Variants in RICTOR observed in about 807,000 individuals in gnomAD.
RICTOR encodes rapamycin-insensitive companion of mTOR.
Under a neutral mutation model 214.9 loss-of-function variants are expected in RICTOR, and 49 were observed. The observed-to-expected ratio is 0.23, with a 90% CI of 0.18 to 0.29. RICTOR has a LOEUF of 0.29. Among genes scored for constraint, RICTOR ranks in the 10% least tolerant of loss-of-function variants. The probability of loss-of-function intolerance (pLI) is 1.00; values close to 1 mark genes in which losing one functional copy is unlikely to be tolerated. For missense variants in RICTOR, 1,625 were observed against 2,047.0 expected (o/e 0.79, Z 3.98); for synonymous variants, 717 against 711.3 (o/e 1.01, Z -0.13).
At chr5:39,005,461 C>T (rs1051833098) in intron 3 of RICTOR, among the ~76,000 whole-genome samples, 12 of 151,500 alleles carry the variant, frequency 7.9e-5, no homozygotes, top group African/African-American at 2.7e-4. Flanking sequence ...AATGTAGATA[C>T]TGTATTATTC....
chr5:38,981,976 A>T lies in RICTOR; in HGVS notation c.644T>A (p.Val215Glu). 6.2e-7 allele frequency: 1 copy of T among 1,613,450 alleles called. No individual in the cohort carries two copies. The highest frequency in any genetic ancestry group is 8.5e-7 in the Non-Finnish European group (1 of 1,179,442). The change falls in exon 8 of 38, where the codon GTG (valine) becomes GAG (glutamate). Residue 215 changes from valine (V) to glutamate (E), a missense_variant. This residue lies in a region of RICTOR where 258 missense variants were observed against 393.7 expected (regional missense o/e 0.66). Coordinates refer to ENST00000357387, the MANE Select transcript of RICTOR (RefSeq NM_152756.5). The part of the protein sequence containing the change: ...RGGLNTILKN[V>E]IDCQLSRINE... ...TATTCGACTTAATTGGCAATCGATCACATTTTTCAAGATGGTGTTTAGTCC... is the reference window on the plus strand; with the variant it reads ...TATTCGACTTAATTGGCAATCGATCTCATTTTTCAAGATGGTGTTTAGTCC...
chr5:39,018,674 C>T (rs1408032501), intron 3 of RICTOR, among the ~76,000 whole-genome samples: 1 of 152,046 alleles, frequency 6.6e-6, no homozygotes, highest in African/African-American at 2.4e-5. Flanking sequence ...ATGTGTGTTC[C>T]AATTCCTCCA....
At position 38,940,289 on chromosome 5, in the gene RICTOR, G is replaced by C. The variant is rs1003831831; in HGVS notation, c.*2015C>G. ...AAAAAAAAAATTACTGTTAACTTTT[G>C]AGGGATTAAACCACAGATTTTTATA... On this transcript the variant is annotated 3_prime_UTR_variant, in exon 38 of 38. Coordinates refer to ENST00000357387, the MANE Select transcript of RICTOR (RefSeq NM_152756.5). The C allele has an allele frequency of 8.7e-6, 2 of 231,174 alleles. No individual in the cohort carries two copies. The highest frequency in any genetic ancestry group is 1.7e-5 in the Non-Finnish European group (2 of 116,586). 14.3% of individuals were successfully genotyped at this position (231,174 alleles called of 1,614,324 possible).
chr5:38,945,973 C>A (rs933385376), intron 33 of RICTOR, among the ~76,000 whole-genome samples: 1 of 151,888 alleles, frequency 6.6e-6, no homozygotes, highest in Non-Finnish European at 1.5e-5. Flanking sequence ...TTTCAATTAT[C>A]GTCAATATTT....
chr5:39,024,293 C>T (rs1008500532), intron 2 of RICTOR, among the ~76,000 whole-genome samples: 15 of 152,072 alleles, frequency 9.9e-5, no homozygotes, highest in African/African-American at 2.7e-4. Context: ...TCTGGTTTAG[C>T]GTATGTCTTT....
At chr5:38,952,504 T>A (rs989088852) in intron 29 of RICTOR, 79 bp from the exon 30 acceptor site, 1 of 956,478 alleles carries the variant, frequency 1.0e-6, no homozygotes, top group Non-Finnish European at 1.6e-6. Flanking sequence ...TAATTTGCTA[T>A]ACATACTTTG....
chr5:38,955,632 C>T lies in RICTOR; in HGVS notation c.2572G>A (p.Val858Ile), dbSNP rs1749189675. ...NEALTTYRKPVDGDNYVRRSN... is the reference protein window; with the variant it reads ...NEALTTYRKPIDGDNYVRRSN... ...CGACGAACATAGTTATCACCATCAA[C>T]AGGCTTCCGGTAAGTAGTAAGTGCT... The change falls in exon 26 of 38, where the codon GTT (valine) becomes ATT (isoleucine). Residue 858 changes from valine to isoleucine, a missense_variant. By Grantham distance (29) the Val-to-Ile change is conservative. This residue lies in a region of RICTOR where 1,214 missense variants were observed against 1,470.5 expected (regional missense o/e 0.83). Coordinates refer to ENST00000357387, the MANE Select transcript of RICTOR (RefSeq NM_152756.5). 6.2e-7 allele frequency: 1 copy of T among 1,610,724 alleles called. No homozygotes were observed. Among genetic ancestry groups the T allele is most frequent in the Admixed American group, 1.7e-5 (1 of 59,970 alleles).
intron 7 of RICTOR, among the ~76,000 whole-genome samples, chr5:38,985,324 C>A (rs1477385786): frequency 6.6e-6 from 1 of 152,070 alleles, no homozygotes; most frequent in African/African-American, 2.4e-5. Flanking sequence ...ACAATGTAAA[C>A]CCTATGTAAA....
At chr5:38,983,272 T>C (rs1448926701) in intron 7 of RICTOR, among the ~76,000 whole-genome samples, 1 of 152,244 alleles carries the variant, frequency 6.6e-6, no homozygotes, top group Non-Finnish European at 1.5e-5. Flanking sequence ...TTTTCTACTT[T>C]AAAATAGTAT....
chr5:38,962,609 A>T (rs1299710576), intron 17 of RICTOR, 23 bp from the exon 18 acceptor site: 3 of 1,294,856 alleles, frequency 2.3e-6, no homozygotes, highest in Non-Finnish European at 3.3e-6. Flanking sequence ...GAAAGTAATA[A>T]GAAAAATTAA....
intron 31 of RICTOR, among the ~76,000 whole-genome samples, chr5:38,949,077 A>C (rs1047317804): frequency 1.3e-5 from 2 of 152,100 alleles, no homozygotes; most frequent in Non-Finnish European, 2.9e-5. Context: ...CATTTGGTCC[A>C]ACCACAAAAA....
intron 37 of RICTOR, 129 bp downstream of exon 37, chr5:38,942,704 C>G (rs756343226): frequency 1.4e-6 from 1 of 722,430 alleles, no homozygotes; most frequent in East Asian, 2.7e-5. Flanking sequence ...AATTCTCCCG[C>G]GCTGACCCCA....
rs543501258 is a variant in RICTOR at position 38,977,922 on chromosome 5, A to C, written c.821+661T>G. On this transcript the variant is annotated intron_variant, in intron 9 of 37. Transcript: ENST00000357387. ...AAAACAATAAAAACATTTCCCTGGC[A>C]ATGTATACTATGTATCACAGTAAGT... Among the ~76,000 whole-genome samples, 6 of 152,276 alleles carry C rather than the reference A, an allele frequency of 3.9e-5. No individual in the cohort carries two copies. The East Asian group carries it at 9.7e-4, about 24-fold the overall frequency.
At chr5:39,026,958 A>G (rs1044783648) in intron 2 of RICTOR, among the ~76,000 whole-genome samples, 1 of 152,078 alleles carries the variant, frequency 6.6e-6, no homozygotes, top group East Asian at 1.9e-4. Context: ...TGGTGAGCCG[A>G]GATCGCACCA....
At chr5:39,058,982 C>G (rs1397171043) in intron 2 of RICTOR, among the ~76,000 whole-genome samples, 1 of 152,020 alleles carries the variant, frequency 6.6e-6, no homozygotes, top group Non-Finnish European at 1.5e-5. Context: ...GCTGAAGACA[C>G]AGAAGAGAAA....
In RICTOR at chr5:38,938,120, GA is replaced by G. The variant is rs1213572947; in HGVS notation, c.*4183del. On this transcript the variant is annotated 3_prime_UTR_variant, in exon 38 of 38. Coordinates refer to ENST00000357387, the MANE Select transcript of RICTOR (RefSeq NM_152756.5). Reference sequence around the variant, plus strand: ...CACAACTCAATGAAATATTCTTACAGAAAAAATATAAATACTTTTTCTTTCT... The same window carrying G: ...CACAACTCAATGAAATATTCTTACAGAAAAATATAAATACTTTTTCTTTCT... 4.8e-6 allele frequency: 1 copy of G among 210,034 alleles called. No individual in the cohort carries two copies. Among genetic ancestry groups the G allele is most frequent in the Admixed American group, 5.9e-5 (1 of 16,922 alleles). 13.0% of individuals were successfully genotyped at this position (210,034 alleles called of 1,614,324 possible).
intron 2 of RICTOR, among the ~76,000 whole-genome samples, chr5:39,039,982 A>G (rs992699988): frequency 8.5e-5 from 13 of 152,104 alleles, no homozygotes; most frequent in Admixed American, 1.3e-4. Flanking sequence ...TACCCAAAGG[A>G]TTATAAATCA....
intron 9 of RICTOR, 132 bp from the exon 10 acceptor site, chr5:38,975,736 A>ACC: frequency 1.5e-6 from 1 of 647,980 alleles, no homozygotes; most frequent in Non-Finnish European, 2.7e-6. Flanking sequence ...AAAACAAGAC[A>ACC]AAGATCAGAT....
At chr5:38,977,030 T>C (rs1751295104) in intron 9 of RICTOR, among the ~76,000 whole-genome samples, 1 of 152,170 alleles carries the variant, frequency 6.6e-6, no homozygotes, top group Non-Finnish European at 1.5e-5. Flanking sequence ...ATTAGAGAGC[T>C]TTCTCTAGCT....
Sources: gnomAD v4.1 joint callset for allele counts (sites outside exome capture counted in the v4.1 genomes callset) on GRCh38, gnomAD v4.1.1 for gene constraint, gnomAD v4.1.1 regional missense constraint, MANE v1.5 for transcripts, NCBI Gene and HGNC (gene_info 2026-07-23, HGNC 2026-07-21) for gene names.